SPMIP4: variants seen among roughly 807,000 people sequenced by gnomAD.
The protein encoded by SPMIP4 is sperm microtubule inner protein 4, also known as sperm-associated microtubule inner protein 4.
chr7:25,158,368 C>CAAAAAAAAAAAAAAAAAAAAA, the SPMIP4 span: 2 of 273,738 alleles, frequency 7.3e-6, no homozygotes, highest in Non-Finnish European at 1.3e-5. Context: ...GACTCTGTCT[C>CAAAAAAAAAAAAAAAAAAAAA]AAAAAAAAAA....
chr7:25,156,532 T>C, the SPMIP4 span, among the ~76,000 whole-genome samples: 1 of 152,184 alleles, frequency 6.6e-6, no homozygotes, highest in African/African-American at 2.4e-5. Flanking sequence ...TTTGAATAGG[T>C]CTTTAGCTGA....
the SPMIP4 span, among the ~76,000 whole-genome samples, chr7:25,156,378 A>G: frequency 9.2e-4 from 140 of 152,302 alleles, 2 homozygotes; most frequent in East Asian, 0.026. Flanking sequence ...GGTGAATCCA[A>G]GAAATATGAC....
the SPMIP4 span, among the ~76,000 whole-genome samples, chr7:25,150,385 G>C: frequency 6.6e-6 from 1 of 152,158 alleles, no homozygotes; most frequent in East Asian, 1.9e-4. Context: ...CGCTTCGTTA[G>C]GACTTCTTTT....
chr7:25,136,610 C>A, the SPMIP4 span: 7 of 1,614,134 alleles, frequency 4.3e-6, no homozygotes, highest in Non-Finnish European at 5.9e-6. This position sits in a 1 kb window ranked among gnomAD's most constrained non-coding sequence, Gnocchi z 5.7. Flanking sequence ...TCACTAAGTG[C>A]CACCATTTCT....
the SPMIP4 span, among the ~76,000 whole-genome samples, chr7:25,177,725 TTAC>T: frequency 7.4e-4 from 113 of 152,328 alleles, 2 homozygotes; most frequent in South Asian, 0.018. Flanking sequence ...ATTAAAAGAA[TTAC>T]TACATACAAA....
the SPMIP4 span, among the ~76,000 whole-genome samples, chr7:25,146,261 C>A: frequency 6.6e-6 from 1 of 152,040 alleles, no homozygotes; most frequent in Non-Finnish European, 1.5e-5. Context: ...GAAGAGGACG[C>A]CTGGTTGGAT....
At chr7:25,140,007 T>C in the SPMIP4 span, among the ~76,000 whole-genome samples, 1 of 152,218 alleles carries the variant, frequency 6.6e-6, no homozygotes, top group Non-Finnish European at 1.5e-5. Flanking sequence ...ATTTTGCATA[T>C]AACATATTTG....
the SPMIP4 span, among the ~76,000 whole-genome samples, chr7:25,168,833 C>T: frequency 7.0e-6 from 1 of 143,638 alleles, no homozygotes. Context: ...TCAAGCAATT[C>T]TCCCACCTCA....
the SPMIP4 span, chr7:25,126,034 T>G: frequency 1.3e-6 from 1 of 748,434 alleles, no homozygotes. Context: ...TTTAAAATTT[T>G]TATGAGTACG....
At chr7:25,163,380 A>G in the SPMIP4 span, among the ~76,000 whole-genome samples, 1 of 152,108 alleles carries the variant, frequency 6.6e-6, no homozygotes, top group Admixed American at 6.5e-5. This position sits in a 1 kb window ranked among gnomAD's most constrained non-coding sequence, Gnocchi z 4.4. Flanking sequence ...ATTCTTTTTA[A>G]CTTGCTTTTT....
At chr7:25,170,063 T>G in the SPMIP4 span, among the ~76,000 whole-genome samples, 2 of 152,232 alleles carry the variant, frequency 1.3e-5, no homozygotes, top group Non-Finnish European at 2.9e-5. Context: ...GGGAATTAAA[T>G]TAGAAGTGGG....
the SPMIP4 span, among the ~76,000 whole-genome samples, chr7:25,169,540 T>C: frequency 2.6e-5 from 4 of 152,220 alleles, no homozygotes; most frequent in Admixed American, 2.6e-4. Context: ...ATCCATTTTG[T>C]AGTATGTGTC....
the SPMIP4 span, among the ~76,000 whole-genome samples, chr7:25,178,737 T>C: frequency 7.9e-5 from 12 of 152,134 alleles, no homozygotes; most frequent in East Asian, 2.1e-3. Context: ...TTCCCTATTA[T>C]ATGATAAGCA....
the SPMIP4 span, among the ~76,000 whole-genome samples, chr7:25,128,810 A>G: frequency 6.6e-6 from 1 of 152,202 alleles, no homozygotes; most frequent in Non-Finnish European, 1.5e-5. This position sits in a 1 kb window ranked among gnomAD's most constrained non-coding sequence, Gnocchi z 4.5. Flanking sequence ...ATGGCTGGCT[A>G]CTACTACTGA....
At chr7:25,159,089 A>T in the SPMIP4 span, among the ~76,000 whole-genome samples, 1 of 152,212 alleles carries the variant, frequency 6.6e-6, no homozygotes, top group Non-Finnish European at 1.5e-5. Context: ...TCTAATGATA[A>T]GAGAGCTCTG....
the SPMIP4 span, among the ~76,000 whole-genome samples, chr7:25,163,339 C>T: frequency 2.0e-5 from 3 of 152,096 alleles, no homozygotes; most frequent in East Asian, 5.8e-4. This position sits in a 1 kb window ranked among gnomAD's most constrained non-coding sequence, Gnocchi z 4.4. Context: ...AGCCATATGT[C>T]TGTAAATGTA....
At chr7:25,155,173 G>T in the SPMIP4 span, 30 of 1,552,118 alleles carry the variant, frequency 1.9e-5, no homozygotes, top group Middle Eastern at 5.2e-4. Context: ...TGTTCAATTG[G>T]ATATGGCAAG....
At chr7:25,149,682 C>T in the SPMIP4 span, among the ~76,000 whole-genome samples, 91,258 of 152,034 alleles carry the variant, frequency 0.6, 28,489 homozygotes, top group Non-Finnish European at 0.69. Flanking sequence ...TTACTGGTTA[C>T]AGTATGTGTG....
the SPMIP4 span, chr7:25,179,078 G>C: frequency 2.1e-6 from 2 of 965,492 alleles, no homozygotes; most frequent in Non-Finnish European, 2.9e-6. Flanking sequence ...AGAAACAGAA[G>C]AGCCCCAGAA....
Sources: allele counts gnomAD v4.1 joint callset (sites outside exome capture counted in the v4.1 genomes callset), GRCh38; gene constraint gnomAD v4.1.1; non-coding constraint Gnocchi (gnomAD v3.1); transcripts MANE v1.5; gene names NCBI Gene and HGNC (gene_info 2026-07-23, HGNC 2026-07-21).